The following ZNF850 variants were observed in gnomAD, a reference collection of about 807,000 sequenced individuals.
ZNF850 encodes the protein putative zinc finger protein ENSP00000330994.
In ZNF850, 2 loss-of-function variants were observed where a neutral mutation model predicts 11.9. The observed-to-expected ratio is 0.17, with a 90% confidence interval of 0.07 to 0.53. The LOEUF is 0.53. Among genes scored for constraint, ZNF850 ranks in the 20% least tolerant of loss-of-function variants. ZNF850 has a pLI of 0.94. For synonymous variants in ZNF850, 381 were observed against 443.0 expected, an observed-to-expected ratio of 0.86 and a Z score of 1.76; for missense variants, 1,014 against 1,316.4, an observed-to-expected ratio of 0.77 and a Z score of 3.55.
In ZNF850 at chr19:36,748,286, G is replaced by A. The variant is rs139002175; in HGVS notation, c.2754C>T (p.Ile918=). The A allele has an allele frequency of 5.5e-3, 8,535 of 1,565,592 alleles. 43 individuals carry two copies. Among genetic ancestry groups the A allele is most frequent in the Middle Eastern group, 0.016 (96 of 6,018 alleles). Residue 918 remains isoleucine (I), a synonymous_variant, in exon 5 of 5, where the codon ATC becomes ATT. Coordinates refer to ENST00000591344, the MANE Select transcript of ZNF850 (RefSeq NM_001193552.2). ...RRSKLTQHQR[I]HTGEKPYRCH... is the part of the protein sequence containing the mutation. The stretch of plus-strand genomic sequence containing the variant: ...ATCGATAAGGTTTCTCACCAGTATG[G>A]ATTCGTTGATGTTGAGTAAGTTTTG...
intron 4 of ZNF850, among the ~76,000 whole-genome samples, chr19:36,757,655 T>A (rs1358244451): frequency 3.3e-5 from 5 of 151,794 alleles, no homozygotes; most frequent in Non-Finnish European, 5.9e-5. Flanking sequence ...TACAGGTGAC[T>A]GCCACCACAC....
chr19:36,763,662 C>A (rs1230581657), intron 1 of ZNF850, among the ~76,000 whole-genome samples: 1 of 152,090 alleles, frequency 6.6e-6, no homozygotes, highest in Non-Finnish European at 1.5e-5. Flanking sequence ...GGTGTGGTAA[C>A]CCACACCTGT....
At position 36,750,250 on chromosome 19, in the gene ZNF850, G is replaced by A. The variant is rs1320133902; in HGVS notation, c.790C>T (p.Pro264Ser). 1.3e-6 allele frequency: 2 copies of A among 1,537,622 alleles called. No individual in the cohort carries two copies. The highest frequency in any genetic ancestry group is 1.7e-6 in the Non-Finnish European group (2 of 1,146,808). The change falls in exon 5 of 5, where the codon CCG (proline) becomes TCG (serine). Residue 264 changes from proline (P) to serine (S), a missense_variant. Physicochemically the swap from Pro to Ser is moderately conservative, Grantham distance 74 (BLOSUM62 -1). Around this residue, in one of 2 missense-constraint regions of ZNF850, gnomAD observed 835 missense variants for 1,022.0 expected, o/e 0.82. Transcript: ENST00000591344. Reference protein sequence around the residue: ...ECQESVKAFRPSAHLIQHWRI... With the variant: ...ECQESVKAFRSSAHLIQHWRI... ...CAATGTTGAATAAGATGTGCAGACG[G>A]TCTAAAGGCCTTCACGGATTCCTGA...
At chr19:36,756,169 G>T (rs1428109617) in intron 4 of ZNF850, among the ~76,000 whole-genome samples, 3 of 152,140 alleles carry the variant, frequency 2.0e-5, no homozygotes, top group Non-Finnish European at 4.4e-5. Flanking sequence ...CTCCCAAAGT[G>T]CTGGGATTAC....
chr19:36,771,185 A>G (rs1330722585), intron 1 of ZNF850, among the ~76,000 whole-genome samples: 1 of 152,188 alleles, frequency 6.6e-6, no homozygotes, highest in African/African-American at 2.4e-5. Context: ...GTCGGAGCGG[A>G]AGTTTAATAA....
chr19:36,757,682 GTGTT>G (rs2040495209), intron 4 of ZNF850, among the ~76,000 whole-genome samples: 1 of 151,658 alleles, frequency 6.6e-6, no homozygotes, highest in Admixed American at 6.6e-5. Context: ...AATTTTTTGT[GTGTT>G]TGTTTTAGTA....
rs1201043890 is a variant in ZNF850, at chr19:36,749,829, A to C, written c.1211T>G (p.Phe404Cys). Residue 404 changes from phenylalanine to cysteine, a missense_variant, in exon 5 of 5, where the codon TTT becomes TGT. This residue lies in a region of ZNF850 where 835 missense variants were observed against 1,022.0 expected (regional missense o/e 0.82). Transcript: ENST00000591344. ...DCKECGKSFT[F>C]RSGLIGHQAI... is the part of the protein sequence containing the mutation. ...CTGGTGTCCAATTAACCCTGAGCGAAAAGTAAAAGATTTCCCACATTCCTT... is the reference window on the plus strand; with the variant it reads ...CTGGTGTCCAATTAACCCTGAGCGACAAGTAAAAGATTTCCCACATTCCTT... 1 of 1,564,238 alleles carries C rather than the reference A, an allele frequency of 6.4e-7. No individual in the cohort carries two copies. The highest frequency in any genetic ancestry group is 1.4e-5 in the African/African-American group (1 of 71,804).
At chr19:36,768,973 A>G (rs954975632) in intron 1 of ZNF850, among the ~76,000 whole-genome samples, 1 of 139,930 alleles carries the variant, frequency 7.1e-6, no homozygotes, top group Non-Finnish European at 1.6e-5. Context: ...AAAAAAAAAA[A>G]AAAAAGGCCG....
chr19:36,760,981 GA>G (rs201062469), intron 4 of ZNF850, among the ~76,000 whole-genome samples: 4 of 151,520 alleles, frequency 2.6e-5, no homozygotes, highest in Non-Finnish European at 5.9e-5. Flanking sequence ...AATATATTTT[GA>G]AAAAAAAATT....
intron 1 of ZNF850, among the ~76,000 whole-genome samples, chr19:36,766,505 T>C (rs1197853036): frequency 6.6e-6 from 1 of 152,216 alleles, no homozygotes; most frequent in Non-Finnish European, 1.5e-5. Context: ...AAAAACACTT[T>C]ATACATGGCA....
Position 36,748,967 on chromosome 19 carries a change from A to G in ZNF850, c.2073T>C (p.His691=). The G allele has an allele frequency of 6.3e-7, 1 of 1,598,040 alleles. No homozygotes were observed. Among genetic ancestry groups the G allele is most frequent in the Non-Finnish European group, 8.5e-7 (1 of 1,173,020 alleles). Residue 691 remains histidine, a synonymous_variant, in exon 5 of 5, where the codon CAT becomes CAC. Transcript: ENST00000591344. The part of the protein sequence containing the change: ...AFRQRTYLNQ[H]RRIHTGEKPY... ...GTTTCTCACCAGTATGAATTCTCCGATGTTGATTAAGGTATGTACGCTGTC... is the reference window on the plus strand; with the variant it reads ...GTTTCTCACCAGTATGAATTCTCCGGTGTTGATTAAGGTATGTACGCTGTC...
intron 1 of ZNF850, among the ~76,000 whole-genome samples, chr19:36,763,184 C>A (rs1393899139): frequency 1.3e-5 from 2 of 152,020 alleles, no homozygotes; most frequent in African/African-American, 2.4e-5. Context: ...AGCCACCACA[C>A]CCAGCCTTTC....
chr19:36,752,844 T>C (rs1052708288), intron 4 of ZNF850, among the ~76,000 whole-genome samples: 3 of 152,198 alleles, frequency 2.0e-5, no homozygotes, highest in African/African-American at 7.2e-5. Flanking sequence ...TTCATTTGTC[T>C]TCCTGAAAGT....
Position 36,746,293 on chromosome 19 carries a change from C to T in ZNF850, c.*1474G>A, listed in dbSNP as rs931448865. ...TGGCCTATGATTATCTTAGGCACCA[C>T]TACTTGTTTTAGGGCATCACAAACT... On this transcript the variant is annotated 3_prime_UTR_variant, in exon 5 of 5. Transcript: ENST00000591344. 25 of 152,196 alleles carry T rather than the reference C, an allele frequency of 1.6e-4. No homozygotes were observed. Among genetic ancestry groups the T allele is most frequent in the African/African-American group, 5.8e-4 (24 of 41,454 alleles). The allele number at this position is 152,196 out of a possible 1,614,324, so 9.4% of individuals were successfully genotyped here.
Position 36,748,619 on chromosome 19 carries a change from G to A in ZNF850, c.2421C>T (p.His807=). 1 of 1,537,178 alleles carries A rather than the reference G, an allele frequency of 6.5e-7. No homozygotes were observed. The highest frequency in any genetic ancestry group is 8.7e-7 in the Non-Finnish European group (1 of 1,146,924). Residue 807 remains histidine, a synonymous_variant, in exon 5 of 5, where the codon CAC becomes CAT. Coordinates refer to ENST00000591344, the MANE Select transcript of ZNF850 (RefSeq NM_001193552.2). ...HSTLIQHQPL[H]TGEKPYHCKE... ...TGCAATGATAAGGTTTCTCACCAGT[G>A]TGAAGTGGCTGATGTTGAATTAGTG...
chr19:36,761,938 C>CA (rs1303326603), intron 3 of ZNF850, among the ~76,000 whole-genome samples, 200 bp from the exon 4 acceptor site: 2 of 149,946 alleles, frequency 1.3e-5, no homozygotes, highest in Non-Finnish European at 3.0e-5. Context: ...CCCAGCTACT[C>CA]AGAAGGCTGA....
rs1000427398 is a variant in ZNF850 at position 36,748,850 on chromosome 19, A to G, written c.2190T>C (p.Asp730=). ...TAAAAGATTTCCCACATTCCTTACC[A>G]TCATAGGGTTTCTCATCAGTGTGAT... ...QQNHTDEKPY[D]GKECGKSFTS... The change falls in exon 5 of 5, where the codon GAT becomes GAC. Residue 730 remains aspartate, a synonymous_variant. Transcript: ENST00000591344. 3 of 1,546,108 alleles carry G rather than the reference A, an allele frequency of 1.9e-6. No homozygotes were observed. The highest frequency in any genetic ancestry group is 1.7e-6 in the Non-Finnish European group (2 of 1,150,668).
At chr19:36,763,995 C>T (rs774906879) in intron 1 of ZNF850, among the ~76,000 whole-genome samples, 23 of 151,668 alleles carry the variant, frequency 1.5e-4, no homozygotes, top group Admixed American at 4.6e-4. Flanking sequence ...GCCTGTAATC[C>T]CAGCACTTTG....
chr19:36,766,873 CG>C (rs1292285990), intron 1 of ZNF850, among the ~76,000 whole-genome samples: 1 of 151,676 alleles, frequency 6.6e-6, no homozygotes, highest in African/African-American at 2.4e-5. Context: ...GAGGCCAAGA[CG>C]GGTAGATCAT....
Sources: gnomAD v4.1 joint callset for allele counts (sites outside exome capture counted in the v4.1 genomes callset) on GRCh38, gnomAD v4.1.1 for gene constraint, gnomAD v4.1.1 regional missense constraint, MANE v1.5 for transcripts, NCBI Gene and HGNC (gene_info 2026-07-23, HGNC 2026-07-21) for gene names.